ZNF345: variants seen among roughly 807,000 people sequenced by gnomAD.
ZNF345 encodes the protein zinc finger protein HZF10.
For synonymous variants in ZNF345, 166 were observed against 187.9 expected (o/e 0.88, Z 0.95); for missense variants, 527 against 589.9 (o/e 0.89, Z 1.10).
intron 2 of ZNF345, among the ~76,000 whole-genome samples, chr19:36,860,138 T>C (rs1407897961): frequency 6.6e-6 from 1 of 152,128 alleles, no homozygotes; most frequent in African/African-American, 2.4e-5. Flanking sequence ...TTTGTATTTT[T>C]AGTAGAGATG....
At position 36,864,548 on chromosome 19, in the gene ZNF345, A is replaced by G. The variant is rs1665175084; in HGVS notation, c.-46-12237A>G. The stretch of plus-strand genomic sequence containing the variant: ...CTAAAAAATTTAAAAAAAAAATAAT[A>G]AGAGCAGCCACTACTAATGGTAGAG... On this transcript the variant is annotated intron_variant, in intron 2 of 2. Transcript: ENST00000420450. Among the ~76,000 whole-genome samples, 6 of 152,062 alleles carry G rather than the reference A, an allele frequency of 3.9e-5. No individual in the cohort carries two copies. The South Asian group carries it at 6.2e-4, about 16-fold the overall frequency.
At position 36,878,522 on chromosome 19, in the gene ZNF345, A is replaced by T. The variant is rs1250296751; in HGVS notation, c.*225A>T. On this transcript the variant is annotated 3_prime_UTR_variant, in exon 3 of 3. Coordinates refer to ENST00000420450, the MANE Select transcript of ZNF345 (RefSeq NM_001242472.2). The stretch of plus-strand genomic sequence containing the variant: ...TACTTTTGGAAAATTCTTACTTGTG[A>T]ATGTTAAAAATGAAAAAAAAATCAT... 8.0e-6 allele frequency: 3 copies of T among 373,988 alleles called. No homozygotes were observed. The highest frequency in any genetic ancestry group is 1.5e-5 in the Non-Finnish European group (3 of 203,548). 23.2% of individuals were successfully genotyped at this position (373,988 alleles called of 1,614,324 possible). A position where few individuals can be genotyped will look rare whatever the true frequency, so the allele number is the denominator to read the frequency against.
At chr19:36,857,329 C>T (rs1000515009) in intron 2 of ZNF345, among the ~76,000 whole-genome samples, 2 of 151,740 alleles carry the variant, frequency 1.3e-5, no homozygotes, top group Middle Eastern at 6.8e-3. Flanking sequence ...TATTTTGAGA[C>T]GGAGTCTTGC....
intron 2 of ZNF345, among the ~76,000 whole-genome samples, chr19:36,870,735 A>T (rs566432): frequency 0.26 from 38,851 of 152,000 alleles, 7,351 homozygotes; most frequent in African/African-American, 0.53. Context: ...GTCTTTGCAT[A>T]TTGGAGCCTT....
chr19:36,886,297 G>A (rs1425294867), intron 3 of ZNF345, among the ~76,000 whole-genome samples: 2 of 152,122 alleles, frequency 1.3e-5, no homozygotes, highest in Non-Finnish European at 2.9e-5. Context: ...GACTGTATGG[G>A]AAAAGGGAGA....
chr19:36,864,306 C>T (rs955640387), intron 2 of ZNF345, among the ~76,000 whole-genome samples: 7 of 152,128 alleles, frequency 4.6e-5, no homozygotes, highest in Non-Finnish European at 8.8e-5. Context: ...GGGAGGATAA[C>T]TTAAAGCCAG....
At chr19:36,871,077 G>A (rs894080311) in intron 2 of ZNF345, among the ~76,000 whole-genome samples, 1 of 152,200 alleles carries the variant, frequency 6.6e-6, no homozygotes, top group African/African-American at 2.4e-5. Flanking sequence ...GTGGAGGCTG[G>A]AAAGTACATG....
At chr19:36,876,247 A>G (rs1335440598) in intron 2 of ZNF345, among the ~76,000 whole-genome samples, 1 of 152,214 alleles carries the variant, frequency 6.6e-6, no homozygotes. Flanking sequence ...TTTCATTGGG[A>G]AACTGCTCTT....
At chr19:36,864,807 G>T (rs557363905) in intron 2 of ZNF345, among the ~76,000 whole-genome samples, 11 of 152,210 alleles carry the variant, frequency 7.2e-5, no homozygotes, top group Middle Eastern at 3.4e-3. Context: ...CATCGTCAGG[G>T]TTATACGTGC....
downstream of ZNF345, among the ~76,000 whole-genome samples, chr19:36,881,161 G>C (rs1382961845): frequency 6.6e-6 from 1 of 152,184 alleles, no homozygotes. Flanking sequence ...TACAGGTTGA[G>C]CATGCTTAAT....
At chr19:36,872,248 G>A (rs1432966676) in intron 2 of ZNF345, among the ~76,000 whole-genome samples, 2 of 152,154 alleles carry the variant, frequency 1.3e-5, no homozygotes, top group African/African-American at 4.8e-5. Flanking sequence ...ATTACATTGG[G>A]AGGAACATAT....
chr19:36,889,896 A>G (rs950019089), intron 3 of ZNF345: 2 of 152,134 alleles, frequency 1.3e-5, no homozygotes, highest in African/African-American at 4.8e-5. Flanking sequence ...TTTTTGGTGT[A>G]GGCATTTAAT....
chr19:36,869,831 G>A (rs1414694903), intron 2 of ZNF345, among the ~76,000 whole-genome samples: 6 of 148,162 alleles, frequency 4.0e-5, no homozygotes, highest in African/African-American at 5.0e-5. Flanking sequence ...GCGTGATCTC[G>A]GCTCACTGCA....
chr19:36,873,760 C>T (rs1240969882), intron 2 of ZNF345, among the ~76,000 whole-genome samples: 3 of 151,628 alleles, frequency 2.0e-5, no homozygotes, highest in Non-Finnish European at 2.9e-5. Flanking sequence ...CCTTATTTCA[C>T]GTAGCATAAC....
At chr19:36,865,106 G>A (rs1380001668) in intron 2 of ZNF345, among the ~76,000 whole-genome samples, 1 of 152,176 alleles carries the variant, frequency 6.6e-6, no homozygotes, top group East Asian at 1.9e-4. Context: ...CAGGAACTGG[G>A]TGCTCGGGAA....
chr19:36,886,979 G>A (rs1362161776), intron 3 of ZNF345, among the ~76,000 whole-genome samples: 1 of 138,882 alleles, frequency 7.2e-6, no homozygotes, highest in African/African-American at 2.8e-5. Context: ...GGGCGAAAGA[G>A]TGAGACTCCG....
At position 36,878,326 on chromosome 19, in the gene ZNF345, C is replaced by T; in HGVS notation, c.*29C>T. ...TATGTGCTGAAGGAAGGACTCTAAA[C>T]ATATGACTTAAGAAAATTCATAGTG... On this transcript the variant is annotated 3_prime_UTR_variant, in exon 3 of 3. Transcript: ENST00000420450. 1 of 1,521,778 alleles carries T rather than the reference C, an allele frequency of 6.6e-7. No individual in the cohort carries two copies. The highest frequency in any genetic ancestry group is 8.8e-7 in the Non-Finnish European group (1 of 1,139,040). The allele number at this position is 1,521,778 out of a possible 1,614,324, so 94.3% of individuals were successfully genotyped here. A position where few individuals can be genotyped will look rare whatever the true frequency, so the allele number is the denominator to read the frequency against.
intron 2 of ZNF345, 149 bp from the exon 3 acceptor site, chr19:36,876,636 T>C: frequency 2.5e-6 from 1 of 398,580 alleles, no homozygotes; most frequent in Non-Finnish European, 4.3e-6. Flanking sequence ...AATCTGTTTT[T>C]CAAATTGCCC....
intron 2 of ZNF345, among the ~76,000 whole-genome samples, chr19:36,868,622 G>C (rs904613240): frequency 6.7e-6 from 1 of 148,560 alleles, no homozygotes; most frequent in African/African-American, 2.5e-5. Flanking sequence ...ATGGATATGA[G>C]GAGTGGCTTT....
Sources: gnomAD v4.1 joint callset for allele counts (sites outside exome capture counted in the v4.1 genomes callset) on GRCh38, gnomAD v4.1.1 for gene constraint, MANE v1.5 for transcripts, NCBI Gene and HGNC (gene_info 2026-07-23, HGNC 2026-07-21) for gene names.